AMD1: variants seen among roughly 807,000 people sequenced by gnomAD.
AMD1 encodes the protein S-adenosylmethionine decarboxylase proenzyme.
A neutral mutation model predicts 40.2 loss-of-function variants in AMD1; 11 were observed. The observed-to-expected ratio is 0.27, with a 90% CI of 0.17 to 0.45. The LOEUF (loss-of-function observed/expected upper bound fraction) is 0.45. Ranked by LOEUF, AMD1 falls within the 20% of genes least tolerant of loss-of-function variation. The pLI is 1.00. For synonymous variants in AMD1, 121 were observed against 130.8 expected (o/e 0.93, Z 0.51); for missense variants, 257 against 410.2 (o/e 0.63, Z 3.23).
rs143802020 is a variant in AMD1 at position 110,893,369 on chromosome 6, T to A, written c.865-107T>A. 59 of 1,449,134 alleles carry A rather than the reference T, an allele frequency of 4.1e-5. No homozygotes were observed. In the East Asian group the frequency reaches 9.3e-4, roughly 23 times the overall value. 89.8% of individuals were successfully genotyped at this position (1,449,134 alleles called of 1,614,324 possible). On this transcript the variant is annotated intron_variant, in intron 8 of 8. Transcript: ENST00000368885. ...CACATAAGAAGGCAGCTAAAATAAC[T>A]CAGATGTCTTAGTTTCATTAAGATA...
At chr6:110,821,924 A>G in the AMD1 span, among the ~76,000 whole-genome samples, 1 of 152,216 alleles carries the variant, frequency 6.6e-6, no homozygotes, top group Non-Finnish European at 1.5e-5. Flanking sequence ...AGATACAAGA[A>G]TAAACCAAAC....
chr6:110,857,765 GGT>G, the AMD1 span, among the ~76,000 whole-genome samples: 1 of 140,332 alleles, frequency 7.1e-6, no homozygotes, highest in Non-Finnish European at 1.5e-5. Context: ...ATATATAGAT[GGT>G]GTGTATATAT....
the AMD1 span, among the ~76,000 whole-genome samples, chr6:110,839,438 T>C: frequency 2.4e-4 from 36 of 152,088 alleles, no homozygotes; most frequent in African/African-American, 8.4e-4. Flanking sequence ...AAACTAAGCA[T>C]GGTGAAAACC....
At chr6:110,828,925 A>G in the AMD1 span, among the ~76,000 whole-genome samples, 9 of 152,146 alleles carry the variant, frequency 5.9e-5, no homozygotes, top group Admixed American at 5.9e-4. Context: ...TAATCCCAGC[A>G]CTTTGGGAGG....
rs551795759 is a variant in AMD1, at chr6:110,881,519, G to A, written c.111-5986G>A. ...TGTTTTATAACCACCTAAGAATTGT[G>A]TGCTTCGGGCCAGGCATGGTGGTGC... On this transcript the variant is annotated intron_variant, in intron 1 of 8. Transcript: ENST00000368885. Among the ~76,000 whole-genome samples, 40 of 152,190 alleles carry A rather than the reference G, an allele frequency of 2.6e-4. 1 individual carries two copies. In the South Asian group the frequency reaches 8.1e-3, roughly 31 times the overall value.
At chr6:110,837,050 G>C in the AMD1 span, among the ~76,000 whole-genome samples, 1 of 151,632 alleles carries the variant, frequency 6.6e-6, no homozygotes, top group Non-Finnish European at 1.5e-5. Context: ...CTAACTACTT[G>C]AGAGGCTGAG....
the AMD1 span, chr6:110,815,223 T>C: frequency 7.5e-7 from 1 of 1,341,222 alleles, no homozygotes; most frequent in Non-Finnish European, 9.6e-7. Context: ...GCCGCTCCAC[T>C]TCTCCAACAG....
At chr6:110,832,820 TAG>T in the AMD1 span, among the ~76,000 whole-genome samples, 3 of 152,100 alleles carry the variant, frequency 2.0e-5, no homozygotes, top group African/African-American at 7.2e-5. Flanking sequence ...TTTTGTTTTT[TAG>T]GTTTTGTTTT....
At chr6:110,874,525 G>GCATT (rs1407713631), upstream of AMD1, among the ~76,000 whole-genome samples, 258 of 152,016 alleles carry the variant, frequency 1.7e-3, 1 homozygote, top group African/African-American at 6.1e-3. Flanking sequence ...CACCCACTCT[G>GCATT]CGTTCGATCC....
chr6:110,887,946 A>G (rs1785786884), intron 2 of AMD1, among the ~76,000 whole-genome samples: 1 of 152,086 alleles, frequency 6.6e-6, no homozygotes, highest in African/African-American at 2.4e-5. Flanking sequence ...TCGGCCTCCC[A>G]AAGTGCTGGG....
chr6:110,876,024 T>G (rs1427527610), intron 1 of AMD1, among the ~76,000 whole-genome samples: 2 of 151,950 alleles, frequency 1.3e-5, no homozygotes, highest in Admixed American at 1.3e-4. Flanking sequence ...GCGGGAGAGG[T>G]GCGGGTGGAG....
rs73766061 is a variant in AMD1 at position 110,893,341 on chromosome 6, C to T, written c.865-135C>T. On this transcript the variant is annotated intron_variant, in intron 8 of 8. Transcript: ENST00000368885. ...GAACCATAAGATGCCCTGGCCCCTC[C>T]AGCACATAAGAAGGCAGCTAAAATA... is the stretch of plus-strand genomic sequence containing the variant. The T allele has an allele frequency of 2.3e-3, 2,833 of 1,257,250 alleles. 48 individuals are homozygous for T. The African/African-American group carries it at 0.039, about 17-fold the overall frequency. 77.9% of individuals were successfully genotyped at this position (1,257,250 alleles called of 1,614,324 possible).
the AMD1 span, among the ~76,000 whole-genome samples, chr6:110,865,147 G>A: frequency 3.9e-5 from 6 of 152,206 alleles, no homozygotes; most frequent in Admixed American, 3.9e-4. Flanking sequence ...CTTCCTCTCA[G>A]TGTGAATGCA....
intron 3 of AMD1, chr6:110,889,957 A>G (rs1785916817): frequency 4.2e-6 from 1 of 235,988 alleles, no homozygotes; most frequent in Non-Finnish European, 8.2e-6. Flanking sequence ...AAAGGAATAT[A>G]CTTGGTGTTA....
chr6:110,866,835 CAG>C, the AMD1 span, among the ~76,000 whole-genome samples: 1 of 149,602 alleles, frequency 6.7e-6, no homozygotes, highest in Non-Finnish European at 1.5e-5. Context: ...TTTTTTGAGA[CAG>C]AGTTTCACTC....
rs534455889 is a variant in AMD1 at position 110,890,231 on chromosome 6, C to A, written c.325-23C>A. 56 of 1,456,440 alleles carry A rather than the reference C, an allele frequency of 3.8e-5. No individual in the cohort carries two copies. In the South Asian group the frequency reaches 6.4e-4, roughly 17 times the overall value. The allele number at this position is 1,456,440 out of a possible 1,614,324, so 90.2% of individuals were successfully genotyped here. Reference sequence around the variant, plus strand: ...TACATCTAAAGTCATCTTTTTTTTTCTTTCTTTTCTTTTTTAATAAAGAGC... The same window carrying A: ...TACATCTAAAGTCATCTTTTTTTTTATTTCTTTTCTTTTTTAATAAAGAGC... On this transcript the variant is annotated intron_variant, in intron 3 of 8. Transcript: ENST00000368885.
chr6:110,858,789 A>G, the AMD1 span: 1 of 767,446 alleles, frequency 1.3e-6, no homozygotes, highest in South Asian at 1.4e-5. Flanking sequence ...ATGACCGCGT[A>G]CAGCACAAGG....
the AMD1 span, among the ~76,000 whole-genome samples, chr6:110,860,829 C>CACA: frequency 1.3e-4 from 15 of 116,420 alleles, no homozygotes; most frequent in African/African-American, 5.3e-4. Context: ...AACAAAACAC[C>CACA]CACCCACACA....
chr6:110,837,745 AATAT>A, the AMD1 span, among the ~76,000 whole-genome samples: 899 of 17,784 alleles, frequency 0.051, 32 homozygotes, highest in African/African-American at 0.069. Flanking sequence ...AAAAAAAAAA[AATAT>A]ATATATATAT....
Sources: gnomAD v4.1 joint callset for allele counts (sites outside exome capture counted in the v4.1 genomes callset) on GRCh38, gnomAD v4.1.1 for gene constraint, MANE v1.5 for transcripts, NCBI Gene and HGNC (gene_info 2026-07-23, HGNC 2026-07-21) for gene names.